The following ALDH1A1 variants were observed in gnomAD, a reference collection of about 807,000 sequenced individuals.
ALDH1A1 encodes aldehyde dehydrogenase 1 family member A1.
ALDH1A1 carries 19 observed loss-of-function variants against 62.1 expected under a neutral mutation model. The ratio of observed to expected loss-of-function variants is 0.31; its 90% CI spans 0.21 to 0.45. ALDH1A1 has a LOEUF of 0.45. Among genes scored for constraint, ALDH1A1 ranks in the 20% least tolerant of loss-of-function variants. ALDH1A1 has a pLI of 1.00. For synonymous variants in ALDH1A1, 231 were observed against 215.9 expected, an observed-to-expected ratio of 1.07 and a Z score of -0.61; for missense variants, 521 against 607.1, an observed-to-expected ratio of 0.86 and a Z score of 1.49.
chr9:72,906,071 G>C, intron 11 of ALDH1A1, 39 bp from the exon 12 acceptor site: 1 of 1,506,576 alleles, frequency 6.6e-7, no homozygotes, highest in Non-Finnish European at 9.0e-7. Flanking sequence ...CAATACTTAA[G>C]GTGTGAAAAA....
chr9:72,935,358 A>G (rs2118556209), intron 2 of ALDH1A1, among the ~76,000 whole-genome samples: 1 of 152,230 alleles, frequency 6.6e-6, no homozygotes, highest in African/African-American at 2.4e-5. Context: ...TTTTTGAAGT[A>G]AGGGCCACAA....
In ALDH1A1 at chr9:72,928,899, T is replaced by A. The variant is rs558087737; in HGVS notation, c.435A>T (p.Ile145=). ...TTTCTCAAAGATACTTACCAATTGG[T>A]ATTGTACGGCCCTGGATCTTGTCAG... The part of the protein sequence containing the change: ...GWADKIQGRT[I]PIDGNFFTYT... Residue 145 remains isoleucine, a synonymous_variant, in exon 4 of 13, where the codon ATA becomes ATT. Coordinates refer to ENST00000297785, the MANE Select transcript of ALDH1A1 (RefSeq NM_000689.5). 6.2e-7 allele frequency: 1 copy of A among 1,613,708 alleles called. No individual in the cohort carries two copies. The highest frequency in any genetic ancestry group is 1.1e-5 in the South Asian group (1 of 91,024).
Position 72,943,823 on chromosome 9 carries a change from G to A in ALDH1A1, c.67-3571C>T, listed in dbSNP as rs1056855625. Among the ~76,000 whole-genome samples, 40 of 152,120 alleles carry A rather than the reference G, an allele frequency of 2.6e-4. 1 individual carries two copies. Among genetic ancestry groups the A allele is most frequent in the Middle Eastern group, 3.4e-3 (1 of 294 alleles). ...GGAGAATGTATTCATATCAAGAGCCGCCAGTACAGAATTAAAGACTGTGGA... is the reference window on the plus strand; with the variant it reads ...GGAGAATGTATTCATATCAAGAGCCACCAGTACAGAATTAAAGACTGTGGA... On this transcript the variant is annotated intron_variant, in intron 1 of 12. Transcript: ENST00000297785.
chr9:72,952,369 C>A (rs1377237332), intron 1 of ALDH1A1, among the ~76,000 whole-genome samples: 2 of 151,976 alleles, frequency 1.3e-5, no homozygotes, highest in Non-Finnish European at 2.9e-5. Context: ...CCAATGGCAA[C>A]AAACTTGGCT....
chr9:72,921,518 T>TC (rs1275199580), intron 7 of ALDH1A1, among the ~76,000 whole-genome samples: 204 of 149,116 alleles, frequency 1.4e-3, no homozygotes, highest in African/African-American at 4.9e-3. Context: ...TTTTTTTTTT[T>TC]TTCATTTTTT....
At chr9:72,919,601 T>C (rs1282363668) in intron 7 of ALDH1A1, among the ~76,000 whole-genome samples, 2 of 152,242 alleles carry the variant, frequency 1.3e-5, no homozygotes, top group African/African-American at 4.8e-5. Flanking sequence ...CCCAAATAGA[T>C]TGTTAACTCT....
At chr9:72,950,038 C>T (rs8187876) in intron 1 of ALDH1A1, among the ~76,000 whole-genome samples, 21,633 of 151,410 alleles carry the variant, frequency 0.14, 2,383 homozygotes, top group East Asian at 0.47. Context: ...TAGGAGAAGA[C>T]GTGAGGCATA....
chr9:72,920,977 G>A (rs1233577902), intron 7 of ALDH1A1, among the ~76,000 whole-genome samples: 2 of 152,224 alleles, frequency 1.3e-5, no homozygotes, highest in Non-Finnish European at 2.9e-5. Flanking sequence ...GGATATTGCG[G>A]TGGCTCACGC....
At chr9:72,932,401 C>T (rs1008017009) in intron 2 of ALDH1A1, among the ~76,000 whole-genome samples, 1 of 152,156 alleles carries the variant, frequency 6.6e-6, no homozygotes, top group Non-Finnish European at 1.5e-5. Context: ...ACTTACAAGT[C>T]TGTGAATTAA....
chr9:72,920,322 C>A (rs939823951), intron 7 of ALDH1A1, among the ~76,000 whole-genome samples: 2 of 152,050 alleles, frequency 1.3e-5, no homozygotes, highest in African/African-American at 4.8e-5. Flanking sequence ...CTAGGGAAAT[C>A]CTGTCTGAAA....
intron 1 of ALDH1A1, among the ~76,000 whole-genome samples, chr9:72,942,672 T>C (rs1319741736): frequency 6.6e-6 from 1 of 152,134 alleles, no homozygotes; most frequent in Non-Finnish European, 1.5e-5. Flanking sequence ...TCTTTTGCTC[T>C]ACCATTCCCT....
At chr9:72,937,237 A>G (rs1830357049) in intron 2 of ALDH1A1, among the ~76,000 whole-genome samples, 1 of 152,242 alleles carries the variant, frequency 6.6e-6, no homozygotes, top group Non-Finnish European at 1.5e-5. Context: ...TAGCATACTT[A>G]TAGGATATAC....
chr9:72,902,236 A>T (rs191113103), intron 12 of ALDH1A1, among the ~76,000 whole-genome samples: 1 of 152,020 alleles, frequency 6.6e-6, no homozygotes, highest in South Asian at 2.1e-4. Context: ...GAGATGACTA[A>T]AAAGATTGGG....
intron 10 of ALDH1A1, among the ~76,000 whole-genome samples, chr9:72,910,609 A>G (rs1829970440): frequency 6.6e-6 from 1 of 152,146 alleles, no homozygotes; most frequent in Non-Finnish European, 1.5e-5. Context: ...AGACAACTGG[A>G]TTTTCTCTTT....
chr9:72,918,859 G>C, intron 7 of ALDH1A1, 37 bp from the exon 8 acceptor site: 1 of 1,473,182 alleles, frequency 6.8e-7, no homozygotes, highest in Non-Finnish European at 9.5e-7. Context: ...GGCTTACCCT[G>C]CTCTCATGAA....
chr9:72,937,720 G>A (rs999537250), intron 2 of ALDH1A1, among the ~76,000 whole-genome samples: 1 of 152,136 alleles, frequency 6.6e-6, no homozygotes, highest in Non-Finnish European at 1.5e-5. Flanking sequence ...AAGTTAATGC[G>A]GTGGCCTGGG....
chr9:72,930,797 C>G lies in ALDH1A1; in HGVS notation c.312+82G>C, dbSNP rs547873505. On this transcript the variant is annotated intron_variant, in intron 3 of 12. Transcript: ENST00000297785. The stretch of plus-strand genomic sequence containing the variant: ...GTTTGTAGAGAGCATATAGTGATCC[C>G]TAAAATCAAAACAACTTGCCATTTC... The G allele has an allele frequency of 4.5e-6, 7 of 1,566,888 alleles. No individual in the cohort carries two copies. The East Asian group carries it at 1.3e-4, about 30-fold the overall frequency.
chr9:72,916,726 A>T (rs1184521168), intron 9 of ALDH1A1, among the ~76,000 whole-genome samples, 194 bp downstream of exon 9: 1 of 152,212 alleles, frequency 6.6e-6, no homozygotes, highest in African/African-American at 2.4e-5. Flanking sequence ...TAGACATGAA[A>T]ACTGGGCAAC....
At chr9:72,927,547 C>T (rs1346484707) in intron 4 of ALDH1A1, among the ~76,000 whole-genome samples, 6 of 152,082 alleles carry the variant, frequency 3.9e-5, no homozygotes, top group Non-Finnish European at 8.8e-5. Flanking sequence ...TGAAAATTAT[C>T]TTTATTCTCT....
Sources: gnomAD v4.1 joint callset for allele counts (sites outside exome capture counted in the v4.1 genomes callset) on GRCh38, gnomAD v4.1.1 for gene constraint, MANE v1.5 for transcripts, NCBI Gene and HGNC (gene_info 2026-07-23, HGNC 2026-07-21) for gene names.